The following GABRG3 variants were observed in gnomAD, a reference collection of about 807,000 sequenced individuals.
The protein encoded by GABRG3 is gamma-aminobutyric acid receptor subunit gamma-3.
A neutral mutation model predicts 48.8 loss-of-function variants in GABRG3; 25 were observed. That is an observed-to-expected ratio of 0.51 (90% CI 0.37 to 0.72). The LOEUF is 0.72. Among genes scored for constraint, GABRG3 ranks in the 30% least tolerant of loss-of-function variants. The pLI is 0.00. For missense variants in GABRG3, 394 were observed against 577.9 expected, an observed-to-expected ratio of 0.68 and a Z score of 3.26; for synonymous variants, 227 against 217.6, an observed-to-expected ratio of 1.04 and a Z score of -0.38.
chr15:27,374,976 G>C (rs1407697053), intron 5 of GABRG3, among the ~76,000 whole-genome samples: 1 of 152,128 alleles, frequency 6.6e-6, no homozygotes, highest in Non-Finnish European at 1.5e-5. Context: ...CAACACAATG[G>C]GGTACAGATG....
intron 3 of GABRG3, among the ~76,000 whole-genome samples, chr15:27,304,064 A>G (rs1316801968): frequency 1.3e-5 from 2 of 151,936 alleles, no homozygotes; most frequent in Non-Finnish European, 2.9e-5. Context: ...ACTCGCAGCA[A>G]ACTAGAGTAG....
chr15:26,976,974 A>G lies in GABRG3; in HGVS notation c.54-28A>G, dbSNP rs1454446811. 2 of 1,613,612 alleles carry G rather than the reference A, an allele frequency of 1.2e-6. No homozygotes were observed. The highest frequency in any genetic ancestry group is 1.7e-6 in the Non-Finnish European group (2 of 1,179,716). On this transcript the variant is annotated intron_variant, in intron 1 of 9. Coordinates refer to ENST00000615808, the MANE Select transcript of GABRG3 (RefSeq NM_033223.5). The surrounding 1 kb of genome is among the most constrained non-coding windows in gnomAD (Gnocchi z 7.8). ...TCCTAGAGCCATTGCTGCCACTTAT[A>G]TGTCGCATTTTTGTGCTGTAACTCC...
intron 3 of GABRG3, among the ~76,000 whole-genome samples, chr15:27,292,833 T>G (rs1186885624): frequency 1.3e-5 from 2 of 152,088 alleles, no homozygotes; most frequent in African/African-American, 4.8e-5. Flanking sequence ...CAGAAGAGAT[T>G]TCAGATAAAG....
intron 3 of GABRG3, among the ~76,000 whole-genome samples, chr15:27,259,038 A>G (rs929440001): frequency 4.6e-5 from 7 of 152,134 alleles, no homozygotes; most frequent in African/African-American, 1.7e-4. Flanking sequence ...AACATAATGA[A>G]CTCCAGACTC....
At chr15:27,002,821 T>C (rs116589948) in intron 2 of GABRG3, among the ~76,000 whole-genome samples, 9,918 of 149,388 alleles carry the variant, frequency 0.066, 375 homozygotes, top group East Asian at 0.18. Context: ...GAGAAATAGC[T>C]AGATCTGGTG....
At chr15:27,143,757 T>C (rs1898148469) in intron 3 of GABRG3, among the ~76,000 whole-genome samples, 1 of 152,210 alleles carries the variant, frequency 6.6e-6, no homozygotes, top group Non-Finnish European at 1.5e-5. Context: ...GAAATGACCC[T>C]TTCTAAAGTA....
At chr15:27,041,878 C>T (rs551702077) in intron 3 of GABRG3, among the ~76,000 whole-genome samples, 44 of 152,190 alleles carry the variant, frequency 2.9e-4, no homozygotes, top group Admixed American at 9.2e-4. Flanking sequence ...AGGACTTTGC[C>T]GTCCCTCCCT....
intron 5 of GABRG3, among the ~76,000 whole-genome samples, chr15:27,420,236 A>C (rs946671132): frequency 2.0e-5 from 3 of 152,250 alleles, no homozygotes; most frequent in Non-Finnish European, 2.9e-5. Context: ...AGATTTTTAA[A>C]TTATTAAAAT....
intron 3 of GABRG3, among the ~76,000 whole-genome samples, chr15:27,102,612 A>G (rs572940415): frequency 5.9e-5 from 9 of 152,304 alleles, no homozygotes; most frequent in African/African-American, 2.2e-4. Flanking sequence ...TCTTTGGCTG[A>G]AGATTATTCC....
intron 3 of GABRG3, among the ~76,000 whole-genome samples, chr15:27,065,966 T>G (rs139651568): frequency 1.3e-5 from 2 of 152,344 alleles, no homozygotes; most frequent in Non-Finnish European, 2.9e-5. Flanking sequence ...GGGAAAAATA[T>G]TCTCTGCAGG....
intron 5 of GABRG3, among the ~76,000 whole-genome samples, chr15:27,406,911 A>T (rs1048723683): frequency 5.1e-4 from 78 of 151,720 alleles, no homozygotes; most frequent in Non-Finnish European, 5.6e-4. Context: ...TCTAAAGCAA[A>T]TTTTTTTTCT....
At chr15:27,376,289 T>C (rs1264023887) in intron 5 of GABRG3, among the ~76,000 whole-genome samples, 1 of 152,208 alleles carries the variant, frequency 6.6e-6, no homozygotes, top group African/African-American at 2.4e-5. Context: ...CAGGCTGGCA[T>C]TGAGTGTCTG....
At chr15:27,351,565 GGTGTATGT>G (rs1221838578) in intron 5 of GABRG3, among the ~76,000 whole-genome samples, 4 of 144,392 alleles carry the variant, frequency 2.8e-5, no homozygotes, top group Non-Finnish European at 6.1e-5. Context: ...GTGTGTGTAT[GGTGTATGT>G]GTGTATGGTG....
In GABRG3 at chr15:27,312,036, A is replaced by G. The variant is rs77327073; in HGVS notation, c.271-14773A>G. The stretch of plus-strand genomic sequence containing the variant: ...TATGATTTGCCTGAAAAAAATTAGA[A>G]TAACTATTATAAAGATGCTCACCAG... On this transcript the variant is annotated intron_variant, in intron 3 of 9. Transcript: ENST00000615808. Among the ~76,000 whole-genome samples the G allele has an allele frequency of 4.2e-4, 64 of 152,298 alleles. 2 individuals carry two copies. In the East Asian group the frequency reaches 0.012, roughly 28 times the overall value.
chr15:27,394,868 C>A (rs1372694677), intron 5 of GABRG3, among the ~76,000 whole-genome samples: 3 of 151,980 alleles, frequency 2.0e-5, no homozygotes, highest in Admixed American at 6.6e-5. Flanking sequence ...TTCTTGCTTG[C>A]TTTGAAGAGT....
intron 3 of GABRG3, among the ~76,000 whole-genome samples, chr15:27,164,337 A>G (rs966726973): frequency 6.6e-6 from 1 of 152,206 alleles, no homozygotes; most frequent in Non-Finnish European, 1.5e-5. Context: ...ATTCCCCCGC[A>G]TACTCACAAT....
At position 27,321,747 on chromosome 15, in the gene GABRG3, T is replaced by C. The variant is rs561309272; in HGVS notation, c.271-5062T>C. Reference sequence around the variant, plus strand: ...GAATCTCAAGGTTCCCATCCTGCTCTAATCTCCTTTTTTTCATTTGGTCCT... The same window carrying C: ...GAATCTCAAGGTTCCCATCCTGCTCCAATCTCCTTTTTTTCATTTGGTCCT... On this transcript the variant is annotated intron_variant, in intron 3 of 9. Transcript: ENST00000615808. Among the ~76,000 whole-genome samples, 22 of 152,366 alleles carry C rather than the reference T, an allele frequency of 1.4e-4. No homozygotes were observed. In the East Asian group the frequency reaches 4.1e-3, roughly 28 times the overall value.
chr15:27,154,660 C>A (rs1898385215), intron 3 of GABRG3, among the ~76,000 whole-genome samples: 2 of 152,078 alleles, frequency 1.3e-5, no homozygotes, highest in South Asian at 4.1e-4. Flanking sequence ...ATTGCATCAG[C>A]CAGGAATCCT....
At chr15:27,242,458 G>A (rs934931349) in intron 3 of GABRG3, among the ~76,000 whole-genome samples, 1 of 152,146 alleles carries the variant, frequency 6.6e-6, no homozygotes, top group African/African-American at 2.4e-5. Context: ...AATCCAGTGA[G>A]GTCTTGCCTG....
Sources: allele counts gnomAD v4.1 joint callset (sites outside exome capture counted in the v4.1 genomes callset), GRCh38; gene constraint gnomAD v4.1.1; non-coding constraint Gnocchi (gnomAD v3.1); transcripts MANE v1.5; gene names NCBI Gene and HGNC (gene_info 2026-07-23, HGNC 2026-07-21).